SHE: variants seen among roughly 807,000 people sequenced by gnomAD.
SHE encodes SH2 domain-containing adapter protein E.
A neutral mutation model predicts 49.8 loss-of-function variants in SHE; 11 were observed. That is an observed-to-expected ratio of 0.22 (90% CI 0.14 to 0.37). The LOEUF (loss-of-function observed/expected upper bound fraction) is 0.37, where lower values mean the gene tolerates loss of function less well. Among genes scored for constraint, SHE ranks in the 10% least tolerant of loss-of-function variants. The pLI, the probability that SHE is intolerant of heterozygous loss-of-function variation, is 1.00. For missense variants in SHE, 624 were observed against 655.5 expected (o/e 0.95, Z 0.52); for synonymous variants, 310 against 278.1 (o/e 1.11, Z -1.14).
In SHE at chr1:154,483,552, C is replaced by T. The variant is rs1692079335; in HGVS notation, c.*597G>A. The T allele has an allele frequency of 3.5e-5, 34 of 985,484 alleles. No homozygotes were observed. Among genetic ancestry groups the T allele is most frequent in the Non-Finnish European group, 4.1e-5 (34 of 830,004 alleles). The allele number at this position is 985,484 out of a possible 1,614,324, so 61.0% of individuals were successfully genotyped here. A position where few individuals can be genotyped will look rare whatever the true frequency, so the allele number is the denominator to read the frequency against. ...AACTCTGATGCTCCTGAACTCCTGA[C>T]TTAACCTTCCTGAGGGTCACACCAT... is the stretch of plus-strand genomic sequence containing the variant. On this transcript the variant is annotated 3_prime_UTR_variant, in exon 6 of 6. Transcript: ENST00000304760.
chr1:154,479,232 G>A (rs572898707), downstream of SHE, among the ~76,000 whole-genome samples: 1 of 152,146 alleles, frequency 6.6e-6, no homozygotes, highest in Non-Finnish European at 1.5e-5. Context: ...GGAAGAGATG[G>A]GCCAGGAAAT....
rs895529114 is a variant in SHE, at chr1:154,480,812, G to A, written c.*3337C>T. 8.1e-6 allele frequency: 8 copies of A among 985,300 alleles called. No homozygotes were observed. The African/African-American group carries it at 1.4e-4, about 17-fold the overall frequency. 61.0% of individuals were successfully genotyped at this position (985,300 alleles called of 1,614,324 possible). On this transcript the variant is annotated 3_prime_UTR_variant, in exon 6 of 6. Transcript: ENST00000304760. ...GCCAGTGGTTTGCAGGCCATCCTGA[G>A]ATACAACTATGGTATCAAAGTAAAT... is the stretch of plus-strand genomic sequence containing the variant.
Position 154,489,070 on chromosome 1 carries a change from C to G in SHE, c.1005G>C (p.Gln335His), listed in dbSNP as rs202191065. The change falls in exon 3 of 6, where the codon CAG becomes CAC. Residue 335 changes from glutamine to histidine, a missense_variant. Around this residue, in one of 4 missense-constraint regions of SHE, gnomAD observed 155 missense variants for 142.0 expected, o/e 1.09. Coordinates refer to ENST00000304760, the MANE Select transcript of SHE (RefSeq NM_001010846.3). ...YEQPWEWKKE[Q>H]IVRALSVQFE... ...CCTCACCTGACAGAGCCCGCACGAT[C>G]TGCTCCTTCTTCCACTCCCATGGCT... 2 of 1,591,776 alleles carry G rather than the reference C, an allele frequency of 1.3e-6. No individual in the cohort carries two copies. Among genetic ancestry groups the G allele is most frequent in the African/African-American group, 2.7e-5 (2 of 74,396 alleles).
At position 154,488,998 on chromosome 1, in the gene SHE, G is replaced by A. The variant is rs771762435; in HGVS notation, c.1024+53C>T. ...AAAAAAACAAATGTGGGGCTGATGCGGTGGCCAGAAGACTGAAGTCACACT... is the reference window on the plus strand; with the variant it reads ...AAAAAAACAAATGTGGGGCTGATGCAGTGGCCAGAAGACTGAAGTCACACT... On this transcript the variant is annotated intron_variant, in intron 3 of 5. Coordinates refer to ENST00000304760, the MANE Select transcript of SHE (RefSeq NM_001010846.3). The A allele has an allele frequency of 1.5e-5, 22 of 1,505,884 alleles. No homozygotes were observed. In the East Asian group the frequency reaches 3.2e-4, roughly 22 times the overall value. 93.3% of individuals were successfully genotyped at this position (1,505,884 alleles called of 1,614,324 possible).
At chr1:154,479,002 A>T (rs1691953196), downstream of SHE, among the ~76,000 whole-genome samples, 1 of 152,200 alleles carries the variant, frequency 6.6e-6, no homozygotes. Context: ...TGCATTTCCA[A>T]ATAGGAGCTT....
At chr1:154,471,699 C>G (rs71517776) in intron 1 of SHE, among the ~76,000 whole-genome samples, 17,786 of 119,742 alleles carry the variant, frequency 0.15, 1,313 homozygotes, top group Non-Finnish European at 0.2. Context: ...CTCTCTCTCT[C>G]TCTCTCTGTG....
intron 2 of SHE, among the ~76,000 whole-genome samples, chr1:154,497,870 CAG>C (rs1692582682): frequency 6.6e-6 from 1 of 151,538 alleles, no homozygotes; most frequent in South Asian, 2.1e-4. Flanking sequence ...TTAGTAGAGA[CAG>C]GGGTTTCTCC....
At position 154,479,665 on chromosome 1, in the gene SHE, G is replaced by T; in HGVS notation, c.*4484C>A. ...CAATCTTCAAACATTTTTAAAAGTT[G>T]AAACTATGTATTAGTTGATATCTAA... On this transcript the variant is annotated 3_prime_UTR_variant, in exon 6 of 6. Coordinates refer to ENST00000304760, the MANE Select transcript of SHE (RefSeq NM_001010846.3). 4.1e-6 allele frequency: 4 copies of T among 977,492 alleles called. No homozygotes were observed. Among genetic ancestry groups the T allele is most frequent in the Non-Finnish European group, 3.6e-6 (3 of 822,738 alleles). 60.6% of individuals were successfully genotyped at this position (977,492 alleles called of 1,614,324 possible). A position where few individuals can be genotyped will look rare whatever the true frequency, so the allele number is the denominator to read the frequency against.
At position 154,481,549 on chromosome 1, in the gene SHE, G is replaced by C; in HGVS notation, c.*2600C>G. On this transcript the variant is annotated 3_prime_UTR_variant, in exon 6 of 6. Coordinates refer to ENST00000304760, the MANE Select transcript of SHE (RefSeq NM_001010846.3). ...ATTATACATTCATCACAGTTGCTGG[G>C]TATGGGCCAAAAATCATTTAGTGCA... The C allele has an allele frequency of 1.0e-6, 1 of 985,352 alleles. No homozygotes were observed. Among genetic ancestry groups the C allele is most frequent in the South Asian group, 4.7e-5 (1 of 21,290 alleles). 61.0% of individuals were successfully genotyped at this position (985,352 alleles called of 1,614,324 possible). A position where few individuals can be genotyped will look rare whatever the true frequency, so the allele number is the denominator to read the frequency against.
At position 154,501,428 on chromosome 1, in the gene SHE, A is replaced by C. The variant is rs554001064; in HGVS notation, c.591+8T>G. 1 of 1,613,640 alleles carries C rather than the reference A, an allele frequency of 6.2e-7. No individual in the cohort carries two copies. Among genetic ancestry groups the C allele is most frequent in the East Asian group, 2.2e-5 (1 of 44,880 alleles). ...TGAGAGGTGGTCCAAGGGAGGCTGT[A>C]TTCTTACCGTCTCTTGCTGCTTAAT... is the stretch of plus-strand genomic sequence containing the variant. On this transcript the variant is annotated splice_region_variant and intron_variant, in intron 1 of 5. Transcript: ENST00000304760.
chr1:154,501,712 G>T lies in SHE; in HGVS notation c.315C>A (p.Arg105=). The T allele has an allele frequency of 6.2e-7, 1 of 1,605,878 alleles. No homozygotes were observed. Among genetic ancestry groups the T allele is most frequent in the Non-Finnish European group, 8.5e-7 (1 of 1,177,474 alleles). ...CCTGAATCAGACCCTGCAGGCTGTC[G>T]CGGGACAGCCGGCTGTCCTTGGGGC... ...GVGPKDSRLS[R]DSLQGLIQAA... Residue 105 remains arginine (R), a synonymous_variant, in exon 1 of 6, where the codon CGC becomes CGA. Coordinates refer to ENST00000304760, the MANE Select transcript of SHE (RefSeq NM_001010846.3).
At chr1:154,477,330 T>C (rs1294170230), downstream of SHE, among the ~76,000 whole-genome samples, 2 of 152,160 alleles carry the variant, frequency 1.3e-5, no homozygotes, top group African/African-American at 2.4e-5. Flanking sequence ...GTGTGTGTGG[T>C]AAGAAATGCA....
downstream of SHE, among the ~76,000 whole-genome samples, chr1:154,476,007 C>T (rs778604448): frequency 1.8e-4 from 28 of 152,148 alleles, no homozygotes; most frequent in Non-Finnish European, 3.7e-4. Flanking sequence ...CATTTTAAAA[C>T]GTGCAAGGGT....
chr1:154,493,728 C>T (rs1692441525), intron 2 of SHE, among the ~76,000 whole-genome samples: 1 of 152,176 alleles, frequency 6.6e-6, no homozygotes, highest in South Asian at 2.1e-4. Context: ...TTTTCTTTTA[C>T]TAAATTAACT....
In SHE at chr1:154,489,177, C is replaced by T. The variant is rs376775277; in HGVS notation, c.898G>A (p.Gly300Arg). Residue 300 changes from glycine (G) to arginine (R), a missense_variant, in exon 3 of 6, where the codon GGG becomes AGG. Gly to Arg is a moderately radical substitution (Grantham distance 125). Around this residue, in one of 4 missense-constraint regions of SHE, gnomAD observed 155 missense variants for 142.0 expected, o/e 1.09. Transcript: ENST00000304760. ...YDTPYEPAEGGPRAEGKARPP... is the reference protein window; with the variant it reads ...YDTPYEPAEGRPRAEGKARPP... ...CGCGCCTTCCCCTCTGCCCTGGGCCCCCCTTCTGCAGGCTCGTAGGGAGTG... is the reference window on the plus strand; with the variant it reads ...CGCGCCTTCCCCTCTGCCCTGGGCCTCCCTTCTGCAGGCTCGTAGGGAGTG... 3 of 1,614,050 alleles carry T rather than the reference C, an allele frequency of 1.9e-6. No homozygotes were observed. The highest frequency in any genetic ancestry group is 1.7e-5 in the Admixed American group (1 of 59,994).
chr1:154,489,439 A>T (rs1692297450), intron 2 of SHE, 83 bp from the exon 3 acceptor site: 8 of 1,497,122 alleles, frequency 5.3e-6, no homozygotes, highest in African/African-American at 2.8e-5. Context: ...CCTGGTCATT[A>T]ACCCAACTGC....
At position 154,480,907 on chromosome 1, in the gene SHE, G is replaced by C. The variant is rs996824068; in HGVS notation, c.*3242C>G. On this transcript the variant is annotated 3_prime_UTR_variant, in exon 6 of 6. Coordinates refer to ENST00000304760, the MANE Select transcript of SHE (RefSeq NM_001010846.3). Reference sequence around the variant, plus strand: ...AACTGAACTTGTCCAGTCATCGCAAGCAAGTATTTTTTTTAAAGAAGGTGT... The same window carrying C: ...AACTGAACTTGTCCAGTCATCGCAACCAAGTATTTTTTTTAAAGAAGGTGT... 2 of 985,216 alleles carry C rather than the reference G, an allele frequency of 2.0e-6. No individual in the cohort carries two copies. The highest frequency in any genetic ancestry group is 1.7e-5 in the African/African-American group (1 of 57,188). The allele number at this position is 985,216 out of a possible 1,614,324, so 61.0% of individuals were successfully genotyped here.
chr1:154,494,088 A>G (rs1160020517), intron 2 of SHE, among the ~76,000 whole-genome samples: 1 of 152,214 alleles, frequency 6.6e-6, no homozygotes, highest in African/African-American at 2.4e-5. Context: ...TTTCCAAAAC[A>G]TTAAACTTGG....
In SHE at chr1:154,486,024, C is replaced by T. The variant is rs1315583109; in HGVS notation, c.1220G>A (p.Ser407Asn). The T allele has an allele frequency of 6.2e-7, 1 of 1,614,084 alleles. No individual in the cohort carries two copies. Among genetic ancestry groups the T allele is most frequent in the Non-Finnish European group, 8.5e-7 (1 of 1,179,952 alleles). ...AGCTTCTTTGCAGGGCTGTAGTCGA[C>T]TCTCAGCCTCAGCACGGCTGATGGC... ...HGAISRAEAE[S>N]RLQPCKEAGY... Residue 407 changes from serine to asparagine, a missense_variant, in exon 5 of 6, where the codon AGT (serine) becomes AAT (asparagine). By Grantham distance (46) the Ser-to-Asn change is conservative. Transcript: ENST00000304760.
Sources: allele counts gnomAD v4.1 joint callset (sites outside exome capture counted in the v4.1 genomes callset), GRCh38; gene constraint gnomAD v4.1.1; regional missense constraint gnomAD v4.1.1; transcripts MANE v1.5; gene names NCBI Gene and HGNC (gene_info 2026-07-23, HGNC 2026-07-21).